Variants in NAV1 observed in about 807,000 individuals in gnomAD.
The protein encoded by NAV1 is neuron navigator 1, also known as pore membrane and/or filament interacting like protein 3.
In NAV1, 18 loss-of-function variants were observed where a neutral mutation model predicts 175.2. That is an observed-to-expected ratio of 0.10 (90% confidence interval 0.07 to 0.15). The LOEUF (loss-of-function observed/expected upper bound fraction) is 0.15. Among genes scored for constraint, NAV1 ranks in the 10% least tolerant of loss-of-function variants. NAV1 has a pLI of 1.00. For synonymous variants in NAV1, 897 were observed against 978.7 expected, an observed-to-expected ratio of 0.92 and a Z score of 1.56; for missense variants, 1,731 against 2,436.6, an observed-to-expected ratio of 0.71 and a Z score of 6.10.
At chr1:201,587,909 A>G (rs1432237711) in intron 1 of NAV1, among the ~76,000 whole-genome samples, 3 of 152,256 alleles carry the variant, frequency 2.0e-5, no homozygotes, top group African/African-American at 7.2e-5. Flanking sequence ...AAAGACAGGC[A>G]GTAACAAGTG....
chr1:201,641,133 C>T (rs1668741811), intron 2 of NAV1, among the ~76,000 whole-genome samples: 2 of 152,214 alleles, frequency 1.3e-5, no homozygotes, highest in African/African-American at 4.8e-5. Flanking sequence ...TGCTTGATGG[C>T]AACTCCAATC....
intron 2 of NAV1, among the ~76,000 whole-genome samples, chr1:201,591,805 T>C (rs1313234085): frequency 6.6e-6 from 1 of 151,968 alleles, no homozygotes; most frequent in African/African-American, 2.4e-5. Flanking sequence ...GAAAGCTGAA[T>C]CGTGAGACAG....
intron 1 of NAV1, among the ~76,000 whole-genome samples, chr1:201,581,024 C>T (rs11576059): frequency 0.081 from 12,275 of 152,092 alleles, 657 homozygotes; most frequent in East Asian, 0.23. Context: ...GCAGGTTGTT[C>T]GTGGGGGCCG....
At chr1:201,616,783 G>A (rs1205515447) in intron 2 of NAV1, among the ~76,000 whole-genome samples, 1 of 152,086 alleles carries the variant, frequency 6.6e-6, no homozygotes, top group Non-Finnish European at 1.5e-5. Flanking sequence ...CACCATGCCC[G>A]GCCTGTTTTG....
chr1:201,806,418 A>G (rs900517170), intron 17 of NAV1, among the ~76,000 whole-genome samples: 2 of 152,138 alleles, frequency 1.3e-5, no homozygotes, highest in Non-Finnish European at 2.9e-5. Flanking sequence ...CATAACACCA[A>G]ACATCTCGGA....
intron 1 of NAV1, among the ~76,000 whole-genome samples, chr1:201,693,770 A>T (rs1671061376): frequency 6.6e-6 from 1 of 152,166 alleles, no homozygotes; most frequent in Non-Finnish European, 1.5e-5. Context: ...AATGGGCAGG[A>T]GTATGTGGGA....
chr1:201,708,446 A>C (rs1671764972), intron 1 of NAV1, among the ~76,000 whole-genome samples: 1 of 151,058 alleles, frequency 6.6e-6, no homozygotes, highest in Non-Finnish European at 1.5e-5. Context: ...GCGCGCACAC[A>C]CACACACACA....
In NAV1 at chr1:201,615,977, C is replaced by A. The variant is rs374964381; in HGVS notation, c.-32-6876C>A. Among the ~76,000 whole-genome samples the A allele has an allele frequency of 1.3e-5, 2 of 151,738 alleles. 1 individual carries two copies. Among genetic ancestry groups the A allele is most frequent in the South Asian group, 4.2e-4 (2 of 4,786 alleles). On this transcript the variant is annotated intron_variant, in intron 2 of 33. Coordinates refer to the NAV1 transcript ENST00000685211. Reference sequence around the variant, plus strand: ...GCAGCTCAGCCTCTATCCCTGGGTACGTGGGATGGAGGGACACTTGAAAAA... The same window carrying A: ...GCAGCTCAGCCTCTATCCCTGGGTAAGTGGGATGGAGGGACACTTGAAAAA...
At chr1:201,587,274 A>C (rs1228685016) in intron 1 of NAV1, among the ~76,000 whole-genome samples, 1 of 152,110 alleles carries the variant, frequency 6.6e-6, no homozygotes, top group Non-Finnish European at 1.5e-5. Context: ...TAAAAAAAAA[A>C]AACAGAAACC....
chr1:201,819,779 C>T, intron 29 of NAV1, 58 bp from the exon 34 acceptor site: 1 of 1,472,424 alleles, frequency 6.8e-7, no homozygotes, highest in Non-Finnish European at 9.5e-7. Context: ...TGTTTCCCTT[C>T]TGTGGGCAGG....
chr1:201,814,069 C>A (rs553843654), intron 28 of NAV1, among the ~76,000 whole-genome samples: 34 of 150,920 alleles, frequency 2.3e-4, no homozygotes, highest in African/African-American at 8.3e-4. Flanking sequence ...AAAACAAAAA[C>A]AAACAAACAA....
At chr1:201,578,302 A>T (rs1276197708) in intron 1 of NAV1, among the ~76,000 whole-genome samples, 1 of 152,142 alleles carries the variant, frequency 6.6e-6, no homozygotes, top group African/African-American at 2.4e-5. Context: ...CACTTCAGTT[A>T]CTGTATTTTT....
chr1:201,556,277 G>T (rs577303421), intron 1 of NAV1, among the ~76,000 whole-genome samples: 1 of 152,232 alleles, frequency 6.6e-6, no homozygotes, highest in South Asian at 2.1e-4. Context: ...AATTAGTCGG[G>T]CATGGTGGTG....
intron 2 of NAV1, among the ~76,000 whole-genome samples, chr1:201,610,077 T>G (rs1450178263): frequency 6.6e-6 from 1 of 152,170 alleles, no homozygotes; most frequent in Non-Finnish European, 1.5e-5. Flanking sequence ...GGAGGGCACC[T>G]TCTCTGCTCT....
At chr1:201,739,801 C>G (rs1673284369) in intron 3 of NAV1, 2 of 1,226,004 alleles carry the variant, frequency 1.6e-6, no homozygotes, top group East Asian at 6.4e-5. Flanking sequence ...CAGAAGTCAG[C>G]GGCGGGGAAA....
intron 1 of NAV1, among the ~76,000 whole-genome samples, chr1:201,564,783 T>C (rs979647806): frequency 1.3e-5 from 2 of 152,258 alleles, no homozygotes; most frequent in African/African-American, 2.4e-5. Context: ...GCTGTGTTCC[T>C]ACCTGGAGGA....
chr1:201,791,242 T>C (rs73088460), intron 13 of NAV1: 3,882 of 158,450 alleles, frequency 0.024, 181 homozygotes, highest in African/African-American at 0.087. Flanking sequence ...ACGACACTAC[T>C]GAGAAACCTA....
intron 3 of NAV1, among the ~76,000 whole-genome samples, chr1:201,751,923 T>C (rs902412973): frequency 6.6e-6 from 1 of 152,208 alleles, no homozygotes; most frequent in Non-Finnish European, 1.5e-5. Context: ...CTTTTCGTTC[T>C]TTTTTTGTTC....
chr1:201,621,920 G>A (rs1211469346), upstream of NAV1, among the ~76,000 whole-genome samples: 4 of 152,266 alleles, frequency 2.6e-5, no homozygotes, highest in Admixed American at 2.6e-4. Flanking sequence ...CCTTTGAAAT[G>A]GAAGTGATTA....
Sources: allele counts gnomAD v4.1 joint callset (sites outside exome capture counted in the v4.1 genomes callset), GRCh38; gene constraint gnomAD v4.1.1; transcripts MANE v1.5; gene names NCBI Gene and HGNC (gene_info 2026-07-23, HGNC 2026-07-21).